Variants in CSNK2A1 observed in about 807,000 individuals in gnomAD.
CSNK2A1 encodes casein kinase II subunit alpha.
CSNK2A1 carries 10 observed loss-of-function variants against 62.9 expected under a neutral mutation model. The ratio of observed to expected loss-of-function variants is 0.16; its 90% CI spans 0.10 to 0.27. The LOEUF is 0.27. Among genes scored for constraint, CSNK2A1 ranks in the 10% least tolerant of loss-of-function variants. The pLI is 1.00. For synonymous variants in CSNK2A1, 124 were observed against 167.8 expected (o/e 0.74, Z 2.02); for missense variants, 160 against 492.0 (o/e 0.33, Z 6.38).
chr20:491,419 C>T (rs1174723992), intron 9 of CSNK2A1, among the ~76,000 whole-genome samples: 1 of 152,152 alleles, frequency 6.6e-6, no homozygotes, highest in Non-Finnish European at 1.5e-5. Context: ...GTAATCTCAG[C>T]ACTTTGGGGA....
At position 530,984 on chromosome 20, in the gene CSNK2A1, T is replaced by A. The variant is rs1013999956; in HGVS notation, c.-226-2935A>T. On this transcript the variant is annotated intron_variant, in intron 1 of 13. Coordinates refer to ENST00000217244, the MANE Select transcript of CSNK2A1 (RefSeq NM_177559.3). Reference sequence around the variant, plus strand: ...CTGTAATCTCAGCTACTTGGGAGCCTGAGACAGGAGAATCACTTGAACCTG... The same window carrying A: ...CTGTAATCTCAGCTACTTGGGAGCCAGAGACAGGAGAATCACTTGAACCTG... 2.0e-5 allele frequency among the ~76,000 whole-genome samples: 3 copies of A among 152,174 alleles called. No homozygotes were observed. The East Asian group carries it at 5.8e-4, about 29-fold the overall frequency.
intron 10 of CSNK2A1, 125 bp from the exon 11 acceptor site, chr20:488,903 C>T: frequency 1.2e-6 from 1 of 807,530 alleles, no homozygotes; most frequent in East Asian, 2.8e-5. Flanking sequence ...TACCTCCTAA[C>T]AGTTTAGACT....
At position 484,094 on chromosome 20, in the gene CSNK2A1, T is replaced by A; in HGVS notation, c.1061-18A>T. ...AGAAATCCCTGAAAGAAAAGAGCTG[T>A]CAGTGAGCCAAAGACACCAACCATG... is the stretch of plus-strand genomic sequence containing the variant. On this transcript the variant is annotated intron_variant, in intron 13 of 13. Transcript: ENST00000217244. The A allele has an allele frequency of 6.6e-7, 1 of 1,524,010 alleles. No individual in the cohort carries two copies. The highest frequency in any genetic ancestry group is 8.8e-7 in the Non-Finnish European group (1 of 1,135,384). 94.4% of individuals were successfully genotyped at this position (1,524,010 alleles called of 1,614,324 possible).
chr20:487,310 T>G, intron 12 of CSNK2A1, 117 bp downstream of exon 12: 19 of 1,438,664 alleles, frequency 1.3e-5, no homozygotes, highest in East Asian at 2.3e-5. Context: ...TGGAAGAATC[T>G]GAGGCTCAGT....
At chr20:511,272 C>T (rs1369542628) in intron 2 of CSNK2A1, among the ~76,000 whole-genome samples, 1 of 151,924 alleles carries the variant, frequency 6.6e-6, no homozygotes, top group East Asian at 1.9e-4. Context: ...ACCAGGAAGT[C>T]GAGGCTACAG....
rs11401840 is a variant in CSNK2A1 at position 523,858 on chromosome 20, C to CAAAAAAAAAAAAAAAA, written c.-110+4059_-110+4074dup. 5.1e-4 allele frequency among the ~76,000 whole-genome samples: 23 copies of CAAAAAAAAAAAAAAAA among 45,538 alleles called. 1 individual carries two copies. Among genetic ancestry groups the CAAAAAAAAAAAAAAAA allele is most frequent in the African/African-American group, 1.7e-3 (19 of 10,904 alleles). The allele number at this position is 45,538 out of a possible 152,430, so 29.9% of individuals were successfully genotyped here. A position where few individuals can be genotyped will look rare whatever the true frequency, so the allele number is the denominator to read the frequency against. On this transcript the variant is annotated intron_variant, in intron 2 of 13. Coordinates refer to ENST00000217244, the MANE Select transcript of CSNK2A1 (RefSeq NM_177559.3). ...TGGGCGACAGAGCAAGACTCCATCTCAAAAAAAAAAAAAAAAAAAAAAACT... is the reference window on the plus strand; with the variant it reads ...TGGGCGACAGAGCAAGACTCCATCTCAAAAAAAAAAAAAAAAAAAAAAAAAAAAAAAAAAAAAAACT...
intron 10 of CSNK2A1, chr20:489,022 T>G: frequency 2.8e-6 from 1 of 353,868 alleles, no homozygotes; most frequent in South Asian, 3.6e-5. Flanking sequence ...CAAAACCCAA[T>G]TGAAGATGTC....
At chr20:495,494 G>A (rs1415306537) in intron 8 of CSNK2A1, 2 of 463,092 alleles carry the variant, frequency 4.3e-6, no homozygotes, top group Non-Finnish European at 7.9e-6. Flanking sequence ...CTTAGAAGAT[G>A]AACATTTTGC....
intron 1 of CSNK2A1, among the ~76,000 whole-genome samples, chr20:532,243 C>T (rs1405950146): frequency 2.6e-5 from 4 of 151,898 alleles, no homozygotes; most frequent in Non-Finnish European, 5.9e-5. Flanking sequence ...CGGCTTACTG[C>T]AACCTCCGCC....
intron 9 of CSNK2A1, 72 bp downstream of exon 9, chr20:492,182 C>CTTT: frequency 1.0e-5 from 11 of 1,051,668 alleles, no homozygotes; most frequent in East Asian, 3.0e-5. Context: ...CAAAATGATA[C>CTTT]TTTTTTTTTT....
intron 2 of CSNK2A1, among the ~76,000 whole-genome samples, chr20:523,757 G>A (rs953052522): frequency 6.6e-6 from 1 of 151,454 alleles, no homozygotes; most frequent in African/African-American, 2.4e-5. Flanking sequence ...CGGGAGCGGT[G>A]GTGGGCGCCT....
At chr20:526,109 G>GA (rs748576759) in intron 2 of CSNK2A1, among the ~76,000 whole-genome samples, 10 of 151,934 alleles carry the variant, frequency 6.6e-5, no homozygotes, top group Non-Finnish European at 1.2e-4. Context: ...AAACTAGAAG[G>GA]AAAAAAACGG....
intron 13 of CSNK2A1, 83 bp downstream of exon 13, chr20:486,293 G>T (rs966257934): frequency 6.7e-6 from 10 of 1,498,634 alleles, no homozygotes; most frequent in Non-Finnish European, 9.2e-6. Flanking sequence ...GAGAAGAGAA[G>T]GTATACAAGA....
chr20:520,790 T>C (rs1414381569), intron 2 of CSNK2A1, among the ~76,000 whole-genome samples: 1 of 152,172 alleles, frequency 6.6e-6, no homozygotes. Flanking sequence ...ATAATAATCT[T>C]TTCTATAAAT....
chr20:516,443 C>T (rs1368533676), intron 2 of CSNK2A1, among the ~76,000 whole-genome samples: 4 of 152,156 alleles, frequency 2.6e-5, no homozygotes, highest in Non-Finnish European at 5.9e-5. Context: ...CATGGGTCTG[C>T]ATGACCTATT....
At chr20:533,060 T>C (rs1568567306) in intron 1 of CSNK2A1, among the ~76,000 whole-genome samples, 2 of 152,202 alleles carry the variant, frequency 1.3e-5, no homozygotes. Context: ...CTCTCACCTA[T>C]CATACTAATG....
intron 2 of CSNK2A1, among the ~76,000 whole-genome samples, chr20:514,848 C>G (rs1212022529): frequency 6.6e-6 from 1 of 152,150 alleles, no homozygotes; most frequent in African/African-American, 2.4e-5. Flanking sequence ...GCCTACATTT[C>G]TCAATTTTTG....
chr20:499,196 C>G lies in CSNK2A1; in HGVS notation c.366+59G>C. 7.2e-7 allele frequency: 1 copy of G among 1,392,020 alleles called. No individual in the cohort carries two copies. Among genetic ancestry groups the G allele is most frequent in the Non-Finnish European group, 9.7e-7 (1 of 1,033,762 alleles). The allele number at this position is 1,392,020 out of a possible 1,614,324, so 86.2% of individuals were successfully genotyped here. On this transcript the variant is annotated intron_variant, in intron 6 of 13. Transcript: ENST00000217244. This position sits in a 1 kb window ranked among gnomAD's most constrained non-coding sequence, Gnocchi z 4.2. The stretch of plus-strand genomic sequence containing the variant: ...AGCAAGCTCTTCTAACAGCATCATC[C>G]CCAAAGGCTATGTGGTCTAAAAACC...
At chr20:527,443 G>C (rs1212893539) in intron 2 of CSNK2A1, among the ~76,000 whole-genome samples, 2 of 152,122 alleles carry the variant, frequency 1.3e-5, no homozygotes, top group Non-Finnish European at 2.9e-5. Flanking sequence ...CTCCTCTCCA[G>C]GTCTCTGTGC....
Sources: allele counts gnomAD v4.1 joint callset (sites outside exome capture counted in the v4.1 genomes callset), GRCh38; gene constraint gnomAD v4.1.1; non-coding constraint Gnocchi (gnomAD v3.1); transcripts MANE v1.5; gene names NCBI Gene and HGNC (gene_info 2026-07-23, HGNC 2026-07-21).